Variants in DMD observed in about 807,000 individuals in gnomAD.
DMD encodes dystrophin, also known as mutant dystrophin.
A neutral mutation model predicts 330.1 loss-of-function variants in DMD; 63 were observed. That is an observed-to-expected ratio of 0.19 (90% CI 0.16 to 0.24). The LOEUF (loss-of-function observed/expected upper bound fraction) is 0.24, where lower values mean the gene tolerates loss of function less well. Ranked by LOEUF, DMD falls within the 10% of genes least tolerant of loss-of-function variation. The pLI is 1.00. For synonymous variants in DMD, 1,223 were observed against 959.8 expected (o/e 1.27, Z -5.07); for missense variants, 3,344 against 2,684.1 (o/e 1.25, Z -5.43).
At chrX:33,056,111 C>G (rs1194639576) in intron 1 of DMD, among the ~76,000 whole-genome samples, 1 of 110,414 alleles carries the variant, frequency 9.1e-6, no homozygotes, top group Non-Finnish European at 1.9e-5. Context: ...AGCACATAGA[C>G]AGTCACATAA....
At chrX:32,509,608 GC>G (rs2045063898) in intron 18 of DMD, among the ~76,000 whole-genome samples, 1 of 111,452 alleles carries the variant, frequency 9.0e-6, no homozygotes, top group Non-Finnish European at 1.9e-5. Context: ...CTCACCATTG[GC>G]CCCCAAGCTA....
At chrX:32,934,711 T>A (rs2146731026) in intron 2 of DMD, among the ~76,000 whole-genome samples, 1 of 111,348 alleles carries the variant, frequency 9.0e-6, no homozygotes, top group Non-Finnish European at 1.9e-5. Context: ...ATAACTGAAA[T>A]ATTAGCAACA....
chrX:31,395,455 G>A (rs970834408), intron 60 of DMD, among the ~76,000 whole-genome samples: 11 of 112,051 alleles, frequency 9.8e-5, no homozygotes, highest in African/African-American at 3.6e-4. Flanking sequence ...ACTGAAGACC[G>A]GCAGACACTG....
intron 1 of DMD, among the ~76,000 whole-genome samples, chrX:33,111,056 A>T (rs1450947844): frequency 9.0e-6 from 1 of 111,605 alleles, no homozygotes; most frequent in Non-Finnish European, 1.9e-5. Context: ...AAGCTACTGC[A>T]ACTAAGCACT....
intron 2 of DMD, among the ~76,000 whole-genome samples, chrX:32,945,182 T>C (rs2090716766): frequency 9.0e-6 from 1 of 110,937 alleles, no homozygotes; most frequent in Non-Finnish European, 1.9e-5. Context: ...TATTCTGTTA[T>C]TTTTCCAGTA....
chrX:31,331,795 A>G (rs2057137956), intron 61 of DMD, among the ~76,000 whole-genome samples: 1 of 111,898 alleles, frequency 8.9e-6, no homozygotes, highest in Non-Finnish European at 1.9e-5. Context: ...CATTTGCTGA[A>G]CGCTCTCTGT....
At chrX:31,438,398 C>A (rs2064694115) in intron 60 of DMD, among the ~76,000 whole-genome samples, 1 of 111,956 alleles carries the variant, frequency 8.9e-6, no homozygotes, top group Non-Finnish European at 1.9e-5. Context: ...GATTCTCAAG[C>A]TCCACACCAG....
chrX:31,549,798 TAA>T (rs1355419986), intron 55 of DMD, among the ~76,000 whole-genome samples: 1 of 112,480 alleles, frequency 8.9e-6, no homozygotes, highest in Non-Finnish European at 1.9e-5. Context: ...ACTTACAGCA[TAA>T]GTTATTCTTG....
intron 42 of DMD, among the ~76,000 whole-genome samples, chrX:32,297,235 T>TTTTATTTA (rs199584874): frequency 0.034 from 3,269 of 97,125 alleles, 72 homozygotes; most frequent in African/African-American, 0.071. Flanking sequence ...GACAGTCATA[T>TTTTATTTA]TTTATTTATT....
intron 44 of DMD, among the ~76,000 whole-genome samples, chrX:32,160,321 C>T (rs2096844932): frequency 1.8e-5 from 2 of 109,724 alleles, no homozygotes; most frequent in South Asian, 8.1e-4. Context: ...GCAACCTCTG[C>T]CTCCCGAGTT....
chrX:33,271,488 T>C, intron 1 of DMD, among the ~76,000 whole-genome samples: 1 of 111,636 alleles, frequency 9.0e-6, no homozygotes, highest in East Asian at 2.8e-4. Flanking sequence ...AACACAAGGC[T>C]GGGCGCGGTG....
intron 44 of DMD, among the ~76,000 whole-genome samples, chrX:31,999,023 C>T (rs1452861629): frequency 3.6e-5 from 4 of 110,963 alleles, no homozygotes; most frequent in African/African-American, 1.3e-4. Flanking sequence ...TACTTTTTGC[C>T]TAAAAGCAGA....
At chrX:32,988,070 G>A (rs2092891609) in intron 2 of DMD, among the ~76,000 whole-genome samples, 1 of 110,708 alleles carries the variant, frequency 9.0e-6, no homozygotes, top group Non-Finnish European at 1.9e-5. Flanking sequence ...TTTTACATAT[G>A]TAAAATATCA....
intron 2 of DMD, among the ~76,000 whole-genome samples, chrX:32,987,885 A>G (rs1053456399): frequency 4.5e-4 from 49 of 110,106 alleles, no homozygotes; most frequent in African/African-American, 1.6e-3. Context: ...TATCTAGTAT[A>G]TATCAGCCAC....
At chrX:31,747,440 G>T (rs189554314) in intron 51 of DMD, among the ~76,000 whole-genome samples, 37 of 111,454 alleles carry the variant, frequency 3.3e-4, no homozygotes, top group Admixed American at 2.6e-3. Context: ...GCTTTTAAAG[G>T]AAGGGACATA....
chrX:31,487,808 GAAC>G (rs924050067), intron 57 of DMD, among the ~76,000 whole-genome samples: 1 of 111,258 alleles, frequency 9.0e-6, no homozygotes, highest in Non-Finnish European at 1.9e-5. Context: ...TCAACAACAT[GAAC>G]AACAATATTA....
chrX:32,273,122 G>A (rs2097371381), intron 43 of DMD, among the ~76,000 whole-genome samples: 1 of 110,909 alleles, frequency 9.0e-6, no homozygotes, highest in Admixed American at 9.7e-5. Flanking sequence ...GGTACCTAGG[G>A]AAATGATGAA....
At chrX:33,261,875 T>C (rs1269487930) in intron 1 of DMD, among the ~76,000 whole-genome samples, 1 of 109,705 alleles carries the variant, frequency 9.1e-6, no homozygotes, top group East Asian at 2.9e-4. Flanking sequence ...CCTTTTACTC[T>C]AAATGCTCCA....
intron 17 of DMD, among the ~76,000 whole-genome samples, chrX:32,536,566 G>GA (rs2048005696): frequency 8.9e-6 from 1 of 112,075 alleles, no homozygotes; most frequent in African/African-American, 3.2e-5. Flanking sequence ...TCTGTAAGAA[G>GA]AAAAGAGTTT....
Sources: allele counts gnomAD v4.1 joint callset (sites outside exome capture counted in the v4.1 genomes callset), GRCh38; gene constraint gnomAD v4.1.1; transcripts MANE v1.5; gene names NCBI Gene and HGNC (gene_info 2026-07-23, HGNC 2026-07-21).